FAF1: variants seen among roughly 807,000 people sequenced by gnomAD.
The protein encoded by FAF1 is Fas associated factor 1.
FAF1 carries 25 observed loss-of-function variants against 92.5 expected under a neutral mutation model. The ratio of observed to expected loss-of-function variants is 0.27; its 90% CI spans 0.20 to 0.38. FAF1 has a LOEUF of 0.38. FAF1 is among the 10% of genes least tolerant of loss of function. The pLI is 1.00. For synonymous variants in FAF1, 234 were observed against 273.2 expected (o/e 0.86, Z 1.42); for missense variants, 636 against 793.3 (o/e 0.80, Z 2.38).
intron 1 of FAF1, among the ~76,000 whole-genome samples, chr1:50,945,727 A>C (rs143392135): frequency 6.6e-6 from 1 of 152,338 alleles, no homozygotes; most frequent in East Asian, 1.9e-4. Flanking sequence ...TTAACTTGCC[A>C]GTCTATAGCT....
At position 50,913,786 on chromosome 1, in the gene FAF1, T is replaced by C. The variant is rs141858543; in HGVS notation, c.45+45981A>G. 4.2e-3 allele frequency among the ~76,000 whole-genome samples: 637 copies of C among 152,278 alleles called. 8 individuals are homozygous for C. Among genetic ancestry groups the C allele is most frequent in the African/African-American group, 0.014 (576 of 41,558 alleles). ...AGTACTGATGGAACTGATGGATGAA[T>C]ATCCAAACAGCAGAAATAGAGCAGG... is the stretch of plus-strand genomic sequence containing the variant. On this transcript the variant is annotated intron_variant, in intron 1 of 18. Transcript: ENST00000396153.
At chr1:50,695,497 C>T (rs762394309) in intron 7 of FAF1, among the ~76,000 whole-genome samples, 41 of 152,168 alleles carry the variant, frequency 2.7e-4, no homozygotes, top group Non-Finnish European at 3.7e-4. Context: ...CAAATTAATC[C>T]TCTGGAAATG....
At chr1:50,479,641 C>T (rs988891609) in intron 17 of FAF1, among the ~76,000 whole-genome samples, 1 of 152,172 alleles carries the variant, frequency 6.6e-6, no homozygotes, top group Admixed American at 6.5e-5. Flanking sequence ...TTTGACATTT[C>T]CCTGCATAGT....
At chr1:50,765,656 T>A (rs1439525631) in intron 4 of FAF1, among the ~76,000 whole-genome samples, 1 of 152,206 alleles carries the variant, frequency 6.6e-6, no homozygotes, top group Non-Finnish European at 1.5e-5. Flanking sequence ...TAAATGACTA[T>A]TACTGAGCCA....
chr1:50,652,921 T>C (rs926835997), intron 8 of FAF1, among the ~76,000 whole-genome samples: 1 of 152,350 alleles, frequency 6.6e-6, no homozygotes, highest in Non-Finnish European at 1.5e-5. Flanking sequence ...CTTATCTTCA[T>C]AATAGTTCTG....
chr1:50,708,490 T>C lies in FAF1; in HGVS notation c.552-2599A>G, dbSNP rs192784162. On this transcript the variant is annotated intron_variant, in intron 6 of 18. Coordinates refer to ENST00000396153, the MANE Select transcript of FAF1 (RefSeq NM_007051.3). The stretch of plus-strand genomic sequence containing the variant: ...TTTCGTTCAAAGTTTGAGATGTCCA[T>C]TGAGATGTTTTGAGATGTCTATTAG... Among the ~76,000 whole-genome samples the C allele has an allele frequency of 4.6e-5, 7 of 151,888 alleles. No homozygotes were observed. The East Asian group carries it at 7.8e-4, about 17-fold the overall frequency.
At chr1:50,717,711 T>C (rs1479344841) in intron 6 of FAF1, among the ~76,000 whole-genome samples, 3 of 152,130 alleles carry the variant, frequency 2.0e-5, no homozygotes, top group African/African-American at 4.8e-5. Flanking sequence ...TCAGAGACAC[T>C]TAAGACCTGG....
chr1:50,503,532 T>C (rs1162217478), intron 15 of FAF1, among the ~76,000 whole-genome samples: 2 of 151,750 alleles, frequency 1.3e-5, no homozygotes, highest in East Asian at 3.9e-4. Flanking sequence ...GGAGACTCAC[T>C]TGGGCCCAAG....
At chr1:50,730,652 C>T (rs553164896) in intron 6 of FAF1, among the ~76,000 whole-genome samples, 5 of 152,276 alleles carry the variant, frequency 3.3e-5, no homozygotes, top group East Asian at 1.9e-4. Context: ...AGCAGGGCTC[C>T]GCTACTCTTG....
chr1:50,551,692 T>C (rs564651801), intron 13 of FAF1, among the ~76,000 whole-genome samples: 1 of 152,286 alleles, frequency 6.6e-6, no homozygotes, highest in East Asian at 1.9e-4. Flanking sequence ...TATCTGGATT[T>C]CAGTAAGGCA....
At chr1:50,938,986 A>C (rs1300661478) in intron 1 of FAF1, among the ~76,000 whole-genome samples, 1 of 152,140 alleles carries the variant, frequency 6.6e-6, no homozygotes, top group African/African-American at 2.4e-5. Flanking sequence ...GTATACTTTG[A>C]AGTTGGGTGG....
chr1:50,550,351 T>TA (rs11297579), intron 13 of FAF1, among the ~76,000 whole-genome samples: 1,210 of 108,352 alleles, frequency 0.011, 8 homozygotes, highest in Non-Finnish European at 0.016. Context: ...ACTCCGTCTT[T>TA]AAAAAAAAAA....
At chr1:50,866,966 TCATGGTACTGGTATAAAAATAGG>T (rs1237324402) in intron 1 of FAF1, among the ~76,000 whole-genome samples, 1 of 151,850 alleles carries the variant, frequency 6.6e-6, no homozygotes, top group African/African-American at 2.4e-5. Flanking sequence ...CACCAAAACA[TCATGGTACTGGTATAAAAATAGG>T]CATATAGACC....
chr1:50,912,122 C>T (rs150317602), intron 1 of FAF1, among the ~76,000 whole-genome samples: 126 of 152,038 alleles, frequency 8.3e-4, no homozygotes, highest in African/African-American at 3.0e-3. Flanking sequence ...GTGACAACAA[C>T]ATCATTTCAA....
rs781010351 is a variant in FAF1 at position 50,539,739 on chromosome 1, A to G, written c.1269-11T>C. 2 of 1,600,632 alleles carry G rather than the reference A, an allele frequency of 1.2e-6. No homozygotes were observed. Among genetic ancestry groups the G allele is most frequent in the South Asian group, 1.1e-5 (1 of 89,316 alleles). ...CACATAGTGAGAAATCTAAAAGGAG[A>G]CAAAATACAAAGTAAGTTTTGCTTT... On this transcript the variant is annotated splice_polypyrimidine_tract_variant and intron_variant, in intron 13 of 18. Transcript: ENST00000396153.
intron 13 of FAF1, among the ~76,000 whole-genome samples, chr1:50,554,161 G>T (rs552599068): frequency 4.7e-5 from 7 of 149,654 alleles, no homozygotes; most frequent in Admixed American, 4.0e-4. Context: ...GTACATTTTT[G>T]TTGCTGAATC....
intron 14 of FAF1, among the ~76,000 whole-genome samples, chr1:50,536,850 A>G (rs1032820341): frequency 1.3e-5 from 2 of 152,220 alleles, no homozygotes; most frequent in African/African-American, 4.8e-5. Context: ...CCTTTTCTCA[A>G]AATGGAGATA....
At chr1:50,587,829 G>C (rs754538494) in intron 9 of FAF1, among the ~76,000 whole-genome samples, 9 of 152,266 alleles carry the variant, frequency 5.9e-5, no homozygotes, top group Non-Finnish European at 1.2e-4. Flanking sequence ...TAAATCATAG[G>C]GGGTAGGAAT....
chr1:50,480,754 C>T (rs1646691188), intron 17 of FAF1, among the ~76,000 whole-genome samples: 1 of 152,128 alleles, frequency 6.6e-6, no homozygotes, highest in Non-Finnish European at 1.5e-5. Context: ...GTGCACTATA[C>T]TTTTATTTGT....
Sources: gnomAD v4.1 joint callset for allele counts (sites outside exome capture counted in the v4.1 genomes callset) on GRCh38, gnomAD v4.1.1 for gene constraint, MANE v1.5 for transcripts, NCBI Gene and HGNC (gene_info 2026-07-23, HGNC 2026-07-21) for gene names.